CLMP: variants seen among roughly 807,000 people sequenced by gnomAD.
CLMP encodes the protein CXADR like cell adhesion molecule, also known as CXADR-like membrane protein.
In CLMP, 27 loss-of-function variants were observed where a neutral mutation model predicts 45.2. The ratio of observed to expected loss-of-function variants is 0.60; its 90% CI spans 0.44 to 0.82. The LOEUF (loss-of-function observed/expected upper bound fraction) is 0.82, where lower values mean the gene tolerates loss of function less well. Among genes scored for constraint, CLMP ranks in the 40% least tolerant of loss-of-function variants. CLMP has a pLI of 0.00. For missense variants in CLMP, 403 were observed against 448.4 expected (o/e 0.90, Z 0.91); for synonymous variants, 167 against 171.4 (o/e 0.97, Z 0.20).
intron 1 of CLMP, among the ~76,000 whole-genome samples, chr11:123,167,475 C>T (rs184680024): frequency 2.6e-5 from 4 of 152,158 alleles, no homozygotes; most frequent in South Asian, 4.1e-4. Flanking sequence ...TTAGTAGAGA[C>T]GGGGTTTCAC....
rs1396688326 is a variant in CLMP, at chr11:123,194,894, C to T, written c.28+19G>A. 6.2e-7 allele frequency: 1 copy of T among 1,613,452 alleles called. No individual in the cohort carries two copies. On this transcript the variant is annotated intron_variant, in intron 1 of 6. Coordinates refer to ENST00000448775, the MANE Select transcript of CLMP (RefSeq NM_024769.5). ...TTGCCCACGGCCATCCAAACTCCCG[C>T]CCTCCCAGAGGCACTCACCTAGCAA...
chr11:123,126,593 A>G (rs1438053210), intron 1 of CLMP, among the ~76,000 whole-genome samples: 1 of 152,046 alleles, frequency 6.6e-6, no homozygotes, highest in Non-Finnish European at 1.5e-5. Flanking sequence ...GTTTATGAAG[A>G]CAGTAATAAG....
At chr11:123,078,039 G>A (rs1005790841) in intron 5 of CLMP, among the ~76,000 whole-genome samples, 1 of 152,024 alleles carries the variant, frequency 6.6e-6, no homozygotes, top group Non-Finnish European at 1.5e-5. Flanking sequence ...CTGGGAGGCG[G>A]AGGTTGCAGT....
At chr11:123,118,983 T>C (rs866648947) in intron 1 of CLMP, among the ~76,000 whole-genome samples, 113 of 41,848 alleles carry the variant, frequency 2.7e-3, no homozygotes, top group Middle Eastern at 0.011. Flanking sequence ...CTTTCTTTCT[T>C]TCTTTCTTTC....
At chr11:123,150,540 CAAGG>C (rs1312588281) in intron 1 of CLMP, among the ~76,000 whole-genome samples, 116 of 78,662 alleles carry the variant, frequency 1.5e-3, no homozygotes, top group South Asian at 3.7e-3. Flanking sequence ...AAGAAACAAG[CAAGG>C]AAGGAAGGAA....
intron 1 of CLMP, among the ~76,000 whole-genome samples, chr11:123,144,045 G>C (rs1861203061): frequency 6.6e-6 from 1 of 152,100 alleles, no homozygotes. Flanking sequence ...TTGGCCTCAA[G>C]TGATCCGTCT....
chr11:123,128,575 G>A (rs755331883), intron 1 of CLMP, among the ~76,000 whole-genome samples: 12 of 152,136 alleles, frequency 7.9e-5, no homozygotes, highest in Non-Finnish European at 1.6e-4. Flanking sequence ...TGAGATTTTT[G>A]CTTGAGCCCA....
At chr11:123,082,086 C>T (rs1331413229) in intron 5 of CLMP, among the ~76,000 whole-genome samples, 6 of 152,162 alleles carry the variant, frequency 3.9e-5, no homozygotes, top group Admixed American at 6.6e-5. Context: ...CATGTACACA[C>T]GTGTGTGTGC....
intron 5 of CLMP, among the ~76,000 whole-genome samples, chr11:123,081,305 C>T (rs1591449655): frequency 6.6e-6 from 1 of 151,914 alleles, no homozygotes; most frequent in East Asian, 1.9e-4. Flanking sequence ...ATATCCATGC[C>T]CTGCTTCCTT....
At chr11:123,190,285 T>G (rs1241816124) in intron 1 of CLMP, among the ~76,000 whole-genome samples, 1 of 152,168 alleles carries the variant, frequency 6.6e-6, no homozygotes, top group African/African-American at 2.4e-5. Context: ...TCGTTGACCC[T>G]TCTTGGTTTA....
intron 2 of CLMP, among the ~76,000 whole-genome samples, chr11:123,085,660 G>A (rs1318190547): frequency 6.7e-6 from 1 of 148,406 alleles, no homozygotes; most frequent in Non-Finnish European, 1.5e-5. Flanking sequence ...GTGACTGCTT[G>A]TGGACAAAGG....
chr11:123,169,379 C>T (rs1261565317), intron 1 of CLMP, among the ~76,000 whole-genome samples: 2 of 152,106 alleles, frequency 1.3e-5, no homozygotes, highest in African/African-American at 4.8e-5. Context: ...GTTTTTTTAG[C>T]GCAGCTGACA....
At chr11:123,082,617 G>GTTT (rs554707005) in intron 5 of CLMP, among the ~76,000 whole-genome samples, 1 of 142,604 alleles carries the variant, frequency 7.0e-6, no homozygotes, top group African/African-American at 2.6e-5. Context: ...TTTTGTGTGT[G>GTTT]TTTTTTTTTT....
At chr11:123,130,051 A>T (rs1278030276) in intron 1 of CLMP, among the ~76,000 whole-genome samples, 1 of 152,098 alleles carries the variant, frequency 6.6e-6, no homozygotes, top group Non-Finnish European at 1.5e-5. Flanking sequence ...GACTCTGCCC[A>T]CACTCAGAAA....
In CLMP at chr11:123,072,208, C is replaced by T. The variant is rs1256804802; in HGVS notation, c.*1266G>A. Reference sequence around the variant, plus strand: ...CCCTGATCTTTTTGATAGTTTAAGGCTTAGAATCATCAAAAGTTCCAGGTT... The same window carrying T: ...CCCTGATCTTTTTGATAGTTTAAGGTTTAGAATCATCAAAAGTTCCAGGTT... On this transcript the variant is annotated 3_prime_UTR_variant, in exon 7 of 7. Transcript: ENST00000448775. 1.3e-5 allele frequency: 2 copies of T among 152,158 alleles called. No homozygotes were observed. Among genetic ancestry groups the T allele is most frequent in the East Asian group, 3.8e-4 (2 of 5,198 alleles). 9.4% of individuals were successfully genotyped at this position (152,158 alleles called of 1,614,324 possible). A position where few individuals can be genotyped will look rare whatever the true frequency, so the allele number is the denominator to read the frequency against.
At chr11:123,181,058 A>T (rs1861762130) in intron 1 of CLMP, among the ~76,000 whole-genome samples, 1 of 152,136 alleles carries the variant, frequency 6.6e-6, no homozygotes, top group South Asian at 2.1e-4. Flanking sequence ...CTGCAGGGGA[A>T]AGAACAATGC....
intron 1 of CLMP, among the ~76,000 whole-genome samples, chr11:123,176,045 T>C (rs1299478187): frequency 6.6e-6 from 1 of 152,222 alleles, no homozygotes; most frequent in African/African-American, 2.4e-5. Flanking sequence ...AATCTGCATG[T>C]GTATAAAATA....
intron 1 of CLMP, among the ~76,000 whole-genome samples, chr11:123,178,719 C>G (rs986012848): frequency 6.6e-6 from 1 of 152,154 alleles, no homozygotes; most frequent in Non-Finnish European, 1.5e-5. Context: ...TGAAAGGACT[C>G]TCTCTATTTA....
intron 2 of CLMP, among the ~76,000 whole-genome samples, chr11:123,086,688 C>T (rs1865868665): frequency 6.6e-6 from 1 of 152,194 alleles, no homozygotes; most frequent in Non-Finnish European, 1.5e-5. Flanking sequence ...GATCACAGCC[C>T]TTCTCCTGGA....
Sources: allele counts gnomAD v4.1 joint callset (sites outside exome capture counted in the v4.1 genomes callset), GRCh38; gene constraint gnomAD v4.1.1; transcripts MANE v1.5; gene names NCBI Gene and HGNC (gene_info 2026-07-23, HGNC 2026-07-21).